The following INPP4B variants were observed in gnomAD, a reference collection of about 807,000 sequenced individuals.
INPP4B encodes inositol polyphosphate 4-phosphatase type II.
Under a neutral mutation model 122.5 loss-of-function variants are expected in INPP4B, and 55 were observed. The observed-to-expected ratio is 0.45, with a 90% CI of 0.36 to 0.56. The LOEUF is 0.56. INPP4B is among the 20% of genes least tolerant of loss of function. The pLI is 0.00. For synonymous variants in INPP4B, 403 were observed against 388.7 expected (o/e 1.04, Z -0.43); for missense variants, 1,000 against 1,097.7 (o/e 0.91, Z 1.26).
chr4:142,591,123 T>C (rs955322507), intron 2 of INPP4B, among the ~76,000 whole-genome samples: 2 of 152,046 alleles, frequency 1.3e-5, no homozygotes, highest in Non-Finnish European at 2.9e-5. Flanking sequence ...TAAGCCAGCC[T>C]TGGCAACATT....
intron 10 of INPP4B, among the ~76,000 whole-genome samples, chr4:142,265,616 C>A (rs986649117): frequency 5.9e-5 from 9 of 152,158 alleles, no homozygotes; most frequent in Non-Finnish European, 1.2e-4. Flanking sequence ...CATCGATATT[C>A]TTAAAGATTG....
chr4:142,213,727 C>A (rs1414726308), intron 12 of INPP4B, among the ~76,000 whole-genome samples: 1 of 152,196 alleles, frequency 6.6e-6, no homozygotes, highest in Non-Finnish European at 1.5e-5. Context: ...CATACATATG[C>A]ACCTCAGGTT....
At chr4:142,522,118 T>G (rs534811427) in intron 2 of INPP4B, among the ~76,000 whole-genome samples, 17 of 152,258 alleles carry the variant, frequency 1.1e-4, no homozygotes, top group Non-Finnish European at 2.5e-4. Flanking sequence ...TTGCCAACTT[T>G]TTTTCTTTAT....
chr4:142,286,516 AT>A (rs1308252622), intron 9 of INPP4B, among the ~76,000 whole-genome samples: 1 of 152,246 alleles, frequency 6.6e-6, no homozygotes, highest in Non-Finnish European at 1.5e-5. Flanking sequence ...TGTATTTTAA[AT>A]AAAAGGTTTA....
chr4:142,359,736 T>G (rs770930549), intron 7 of INPP4B, among the ~76,000 whole-genome samples: 1 of 151,998 alleles, frequency 6.6e-6, no homozygotes, highest in Non-Finnish European at 1.5e-5. Context: ...GTATCTAGCT[T>G]TATGCTTTAT....
intron 1 of INPP4B, among the ~76,000 whole-genome samples, chr4:142,769,638 G>A (rs1035399955): frequency 2.6e-5 from 4 of 152,082 alleles, no homozygotes; most frequent in Non-Finnish European, 5.9e-5. Flanking sequence ...ATACCAGCCA[G>A]GTATGGTGGC....
intron 8 of INPP4B, among the ~76,000 whole-genome samples, chr4:142,314,246 C>T (rs1766636655): frequency 6.6e-6 from 1 of 152,170 alleles, no homozygotes; most frequent in African/African-American, 2.4e-5. Flanking sequence ...AGCAAGAAAA[C>T]CTCAGCAGGA....
At chr4:142,518,168 C>T (rs17016298) in intron 2 of INPP4B, among the ~76,000 whole-genome samples, 3,204 of 152,160 alleles carry the variant, frequency 0.021, 115 homozygotes, top group African/African-American at 0.072. Context: ...TGGGGGCACT[C>T]CTGGGCTAGT....
intron 14 of INPP4B, among the ~76,000 whole-genome samples, chr4:142,207,231 C>T (rs1019692298): frequency 2.6e-5 from 4 of 152,250 alleles, no homozygotes; most frequent in Admixed American, 6.5e-5. Context: ...CTACGGTGAA[C>T]AATGCTGCAA....
intron 10 of INPP4B, among the ~76,000 whole-genome samples, chr4:142,263,835 C>T (rs1741463355): frequency 6.6e-6 from 1 of 151,112 alleles, no homozygotes; most frequent in Admixed American, 6.6e-5. Context: ...AATAAGTGAA[C>T]CACAAAATTA....
intron 18 of INPP4B, among the ~76,000 whole-genome samples, chr4:142,127,777 AT>A (rs569247865): frequency 6.6e-5 from 10 of 151,962 alleles, no homozygotes; most frequent in African/African-American, 1.5e-4. Context: ...CTAAAAATAC[AT>A]TTTTTTTCTA....
At chr4:142,712,519 A>T (rs116839264) in intron 2 of INPP4B, among the ~76,000 whole-genome samples, 1 of 152,342 alleles carries the variant, frequency 6.6e-6, no homozygotes, top group Non-Finnish European at 1.5e-5. Context: ...CTATTGTCCT[A>T]AAATGTGTTA....
chr4:142,351,832 G>A (rs1361163382), intron 7 of INPP4B, among the ~76,000 whole-genome samples: 4 of 151,886 alleles, frequency 2.6e-5, no homozygotes, highest in Non-Finnish European at 5.9e-5. Flanking sequence ...TGTTATTCTT[G>A]TAGTATAATA....
chr4:142,157,617 A>T (rs532654478), intron 17 of INPP4B, among the ~76,000 whole-genome samples: 18 of 152,242 alleles, frequency 1.2e-4, no homozygotes, highest in African/African-American at 4.1e-4. Flanking sequence ...AAGGACAACA[A>T]GAGAAACTGA....
At chr4:142,712,942 C>G (rs1343713416) in intron 2 of INPP4B, among the ~76,000 whole-genome samples, 1 of 152,150 alleles carries the variant, frequency 6.6e-6, no homozygotes, top group Non-Finnish European at 1.5e-5. Flanking sequence ...CTCCATATAT[C>G]AGGTGGAAGA....
At chr4:142,263,680 A>ATATATC (rs61694410) in intron 10 of INPP4B, among the ~76,000 whole-genome samples, 1 of 81,948 alleles carries the variant, frequency 1.2e-5, no homozygotes, top group African/African-American at 3.8e-5. Context: ...ATATATATAT[A>ATATATC]ACATTGAACA....
chr4:142,295,301 G>A (rs1758196986), intron 9 of INPP4B, among the ~76,000 whole-genome samples: 1 of 152,110 alleles, frequency 6.6e-6, no homozygotes, highest in African/African-American at 2.4e-5. Flanking sequence ...TTGTGCATGG[G>A]CATGAGTATA....
At chr4:142,726,016 A>C (rs944435854) in intron 1 of INPP4B, 115 bp from the exon 2 acceptor site, 4 of 388,190 alleles carry the variant, frequency 1.0e-5, no homozygotes, top group African/African-American at 8.3e-5. Flanking sequence ...CATTTAACAA[A>C]ATATTCAGCT....
At chr4:142,844,647 T>C (rs1469958607) in intron 1 of INPP4B, among the ~76,000 whole-genome samples, 2 of 152,246 alleles carry the variant, frequency 1.3e-5, no homozygotes, top group African/African-American at 4.8e-5. Flanking sequence ...TTTCTGTGCA[T>C]AGTATGTGAA....
Sources: allele counts gnomAD v4.1 joint callset (sites outside exome capture counted in the v4.1 genomes callset), GRCh38; gene constraint gnomAD v4.1.1; transcripts MANE v1.5; gene names NCBI Gene and HGNC (gene_info 2026-07-23, HGNC 2026-07-21).